TRIM35: variants seen among roughly 807,000 people sequenced by gnomAD.
The protein encoded by TRIM35 is E3 ubiquitin-protein ligase TRIM35.
In TRIM35, 37 loss-of-function variants were observed where a neutral mutation model predicts 49.1. That is an observed-to-expected ratio of 0.75 (90% CI 0.58 to 0.99). The LOEUF (loss-of-function observed/expected upper bound fraction) is 0.99, where lower values mean the gene tolerates loss of function less well. Ranked by LOEUF, TRIM35 falls within the 50% of genes least tolerant of loss-of-function variation. TRIM35 has a pLI of 0.00. For synonymous variants in TRIM35, 302 were observed against 289.3 expected, an observed-to-expected ratio of 1.04 and a Z score of -0.45; for missense variants, 648 against 702.7, an observed-to-expected ratio of 0.92 and a Z score of 0.88.
Position 27,294,077 on chromosome 8 carries a change from T to C in TRIM35, c.762+3A>G. ...CACTGAATCCAGACGCTGAGCTCCT[T>C]ACCATGAGAAAAGAAACGTCGTCCT... On this transcript the variant is annotated splice_donor_region_variant and intron_variant, in intron 3 of 5. Coordinates refer to ENST00000305364, the MANE Select transcript of TRIM35 (RefSeq NM_171982.5). The C allele has an allele frequency of 8.1e-6, 13 of 1,613,794 alleles. No homozygotes were observed. The highest frequency in any genetic ancestry group is 1.1e-5 in the Non-Finnish European group (13 of 1,179,914).
chr8:27,301,827 T>C (rs1284796600), intron 1 of TRIM35, among the ~76,000 whole-genome samples: 2 of 152,274 alleles, frequency 1.3e-5, no homozygotes, highest in Non-Finnish European at 2.9e-5. Context: ...CTCAAAGCTT[T>C]ATAGCTTTCC....
rs1300564905 is a variant in TRIM35 at position 27,310,984 on chromosome 8, G to A, written c.252C>T (p.Arg84=). Reference sequence around the variant, plus strand: ...TCCAGCGCGCGCCCTCGGCCTCCTCGCGCAGCAGCTTCTCCACCAGGTTGT... The same window carrying A: ...TCCAGCGCGCGCCCTCGGCCTCCTCACGCAGCAGCTTCTCCACCAGGTTGT... ...TLNNLVEKLL[R]EEAEGARWTS... is the part of the protein sequence containing the mutation. The change falls in exon 1 of 6, where the codon CGC becomes CGT. Residue 84 remains arginine (R), a synonymous_variant. Coordinates refer to ENST00000305364, the MANE Select transcript of TRIM35 (RefSeq NM_171982.5). 82 of 1,611,870 alleles carry A rather than the reference G, an allele frequency of 5.1e-5. No homozygotes were observed. The highest frequency in any genetic ancestry group is 7.0e-5 in the Non-Finnish European group (82 of 1,179,432).
chr8:27,304,161 G>A (rs34280703), intron 1 of TRIM35, among the ~76,000 whole-genome samples: 52,292 of 152,098 alleles, frequency 0.34, 10,767 homozygotes, highest in Non-Finnish European at 0.46. Context: ...ACAAAATCAC[G>A]TTACCCACAA....
chr8:27,293,243 A>T (rs895158607), intron 3 of TRIM35, among the ~76,000 whole-genome samples: 1 of 152,018 alleles, frequency 6.6e-6, no homozygotes, highest in Non-Finnish European at 1.5e-5. Flanking sequence ...CAGGTACAAG[A>T]GACACCTCAC....
At chr8:27,299,283 G>A (rs958380183) in intron 1 of TRIM35, among the ~76,000 whole-genome samples, 4 of 152,058 alleles carry the variant, frequency 2.6e-5, no homozygotes, top group African/African-American at 9.7e-5. Flanking sequence ...TGTATCTTAG[G>A]CCTATCATTT....
intron 1 of TRIM35, among the ~76,000 whole-genome samples, chr8:27,303,391 T>G (rs904584111): frequency 6.6e-6 from 1 of 152,250 alleles, no homozygotes; most frequent in African/African-American, 2.4e-5. Context: ...TTTCCCCTTC[T>G]GTGCATCTAG....
intron 1 of TRIM35, among the ~76,000 whole-genome samples, chr8:27,304,008 G>A (rs1211003701): frequency 6.6e-6 from 1 of 152,154 alleles, no homozygotes; most frequent in Non-Finnish European, 1.5e-5. Context: ...TTAAAGATTA[G>A]TTATAAACAC....
chr8:27,293,446 A>T (rs1284345771), intron 3 of TRIM35, among the ~76,000 whole-genome samples: 1 of 152,200 alleles, frequency 6.6e-6, no homozygotes, highest in Non-Finnish European at 1.5e-5. Context: ...ATATTTAAAT[A>T]AAAAATTTAA....
At position 27,311,241 on chromosome 8, in the gene TRIM35, G is replaced by A. The variant is rs200729724; in HGVS notation, c.-6C>T. The A allele has an allele frequency of 9.2e-6, 14 of 1,515,336 alleles. No homozygotes were observed. The highest frequency in any genetic ancestry group is 1.3e-5 in the South Asian group (1 of 76,698). 93.9% of individuals were successfully genotyped at this position (1,515,336 alleles called of 1,614,324 possible). On this transcript the variant is annotated 5_prime_UTR_variant, in exon 1 of 6. Coordinates refer to ENST00000305364, the MANE Select transcript of TRIM35 (RefSeq NM_171982.5). ...ACGTCGGGACTCCGCTCCATGGCAC[G>A]AGCAGCCGGCTCGGGCGCCCGGAAC...
chr8:27,301,113 G>A (rs1324821459), intron 1 of TRIM35, among the ~76,000 whole-genome samples: 3 of 152,196 alleles, frequency 2.0e-5, no homozygotes, highest in African/African-American at 7.2e-5. Flanking sequence ...TGAGATGTCA[G>A]CTGATGAGAC....
At chr8:27,291,295 C>A (rs777479697) in intron 3 of TRIM35, among the ~76,000 whole-genome samples, 1 of 151,976 alleles carries the variant, frequency 6.6e-6, no homozygotes, top group Non-Finnish European at 1.5e-5. Context: ...ATCAAAAAGC[C>A]CATGAAAAGA....
intron 1 of TRIM35, among the ~76,000 whole-genome samples, chr8:27,300,281 T>C (rs1269773666): frequency 1.3e-5 from 2 of 152,236 alleles, no homozygotes; most frequent in African/African-American, 4.8e-5. Context: ...ATGACAGACC[T>C]TGAGGCAGAG....
At chr8:27,292,790 C>T (rs142689212) in intron 3 of TRIM35, among the ~76,000 whole-genome samples, 1 of 152,204 alleles carries the variant, frequency 6.6e-6, no homozygotes, top group East Asian at 1.9e-4. Context: ...TCTGTATATA[C>T]TAAAAATCAC....
intron 3 of TRIM35, among the ~76,000 whole-genome samples, chr8:27,291,355 G>C (rs1052774598): frequency 1.3e-5 from 2 of 152,098 alleles, no homozygotes; most frequent in Non-Finnish European, 2.9e-5. Flanking sequence ...AATACACAAG[G>C]AGATACCACT....
chr8:27,290,485 G>A (rs1802431275), intron 3 of TRIM35, among the ~76,000 whole-genome samples: 1 of 152,128 alleles, frequency 6.6e-6, no homozygotes, highest in African/African-American at 2.4e-5. Context: ...ATGAGACTGG[G>A]TTGCTATAAA....
Position 27,286,587 on chromosome 8 carries a change from A to C in TRIM35, c.*963T>G, listed in dbSNP as rs1563434758. ...ATAGGCCGAAATCACGATTTAAAAA[A>C]TGTTGTGTTTAAGTACTCTGGAACC... is the stretch of plus-strand genomic sequence containing the variant. On this transcript the variant is annotated 3_prime_UTR_variant, in exon 6 of 6. Coordinates refer to ENST00000305364, the MANE Select transcript of TRIM35 (RefSeq NM_171982.5). 3 of 207,904 alleles carry C rather than the reference A, an allele frequency of 1.4e-5. No homozygotes were observed. The highest frequency in any genetic ancestry group is 7.0e-5 in the African/African-American group (3 of 42,858). 12.9% of individuals were successfully genotyped at this position (207,904 alleles called of 1,614,324 possible).
At chr8:27,292,858 G>A (rs1260594838) in intron 3 of TRIM35, among the ~76,000 whole-genome samples, 2 of 152,058 alleles carry the variant, frequency 1.3e-5, no homozygotes, top group African/African-American at 4.8e-5. Context: ...TCTCAATAAA[G>A]TTGTTAATAA....
At chr8:27,307,344 C>T (rs374183668) in intron 1 of TRIM35, among the ~76,000 whole-genome samples, 5 of 152,028 alleles carry the variant, frequency 3.3e-5, no homozygotes, top group Non-Finnish European at 7.4e-5. Flanking sequence ...GCCACACCCC[C>T]GCCACACACA....
intron 2 of TRIM35, among the ~76,000 whole-genome samples, chr8:27,295,739 G>A (rs1462335093): frequency 6.6e-6 from 1 of 152,104 alleles, no homozygotes; most frequent in African/African-American, 2.4e-5. Context: ...TCGTACCACA[G>A]TAAAGTCAAA....
Sources: allele counts gnomAD v4.1 joint callset (sites outside exome capture counted in the v4.1 genomes callset), GRCh38; gene constraint gnomAD v4.1.1; transcripts MANE v1.5; gene names NCBI Gene and HGNC (gene_info 2026-07-23, HGNC 2026-07-21).